Variants in MKRN2 observed in about 807,000 individuals in gnomAD.
MKRN2 encodes E3 ubiquitin-protein ligase makorin-2.
A neutral mutation model predicts 45.4 loss-of-function variants in MKRN2; 32 were observed. The observed-to-expected ratio is 0.70, with a 90% CI of 0.53 to 0.95. MKRN2 has a LOEUF of 0.95. Among genes scored for constraint, MKRN2 ranks in the 40% least tolerant of loss-of-function variants. The pLI is 0.00. For synonymous variants in MKRN2, 206 were observed against 192.4 expected, an observed-to-expected ratio of 1.07 and a Z score of -0.59; for missense variants, 526 against 536.7, an observed-to-expected ratio of 0.98 and a Z score of 0.20.
Position 12,570,222 on chromosome 3 carries a change from G to A in MKRN2, c.307G>A (p.Glu103Lys), listed in dbSNP as rs1355963758. Residue 103 changes from glutamate (E) to lysine (K), a missense_variant, in exon 3 of 8, where the codon GAA becomes AAA. Coordinates refer to ENST00000170447, the MANE Select transcript of MKRN2 (RefSeq NM_014160.5). ...KTNSHEPGKR[E>K]KRTLVLRDRN... ...TAACTCACATGAACCCGGAAAGCGT[G>A]AAAAGAGAACATTGGTTCTTAGAGA... 1.9e-5 allele frequency: 31 copies of A among 1,614,132 alleles called. No homozygotes were observed. The highest frequency in any genetic ancestry group is 2.6e-5 in the Non-Finnish European group (31 of 1,180,008).
chr3:12,571,355 C>G (rs538433042), intron 3 of MKRN2, among the ~76,000 whole-genome samples: 42 of 152,072 alleles, frequency 2.8e-4, no homozygotes, highest in Admixed American at 2.8e-3. Flanking sequence ...ATGATCCGCC[C>G]GCCTCGGCCT....
intron 5 of MKRN2, among the ~76,000 whole-genome samples, chr3:12,576,174 T>C (rs938323607): frequency 6.6e-6 from 1 of 150,748 alleles, no homozygotes; most frequent in Non-Finnish European, 1.5e-5. Context: ...GTCTTTTTTG[T>C]TGAGGAAACC....
intron 6 of MKRN2, 91 bp from the exon 7 acceptor site, chr3:12,581,717 G>C (rs868044410): frequency 2.8e-6 from 4 of 1,428,994 alleles, no homozygotes; most frequent in Admixed American, 1.8e-5. Context: ...TACCTCTGGC[G>C]TAAGGGTGGT....
chr3:12,567,375 A>G (rs1052300670), intron 1 of MKRN2, among the ~76,000 whole-genome samples: 15 of 151,042 alleles, frequency 9.9e-5, no homozygotes, highest in African/African-American at 3.6e-4. Flanking sequence ...GGTTTAAGCA[A>G]TCCTCCTGTC....
At chr3:12,573,393 TGTG>T (rs755350666) in intron 4 of MKRN2, among the ~76,000 whole-genome samples, 33 of 148,214 alleles carry the variant, frequency 2.2e-4, no homozygotes, top group Non-Finnish European at 4.0e-4. Context: ...ATTAGCCAGG[TGTG>T]GTGGTGCACA....
chr3:12,578,058 A>G (rs936909800), intron 6 of MKRN2, among the ~76,000 whole-genome samples: 1 of 152,156 alleles, frequency 6.6e-6, no homozygotes, highest in East Asian at 1.9e-4. Flanking sequence ...CTGGTTTTGC[A>G]TTCGTAGCTG....
At chr3:12,570,286 T>C in intron 3 of MKRN2, 34 bp downstream of exon 3, 1 of 1,590,716 alleles carries the variant, frequency 6.3e-7, no homozygotes, top group Non-Finnish European at 8.6e-7. Context: ...TGCGTCTTTT[T>C]GCATAGCACT....
At chr3:12,573,631 C>G (rs1477846438) in intron 4 of MKRN2, among the ~76,000 whole-genome samples, 1 of 152,118 alleles carries the variant, frequency 6.6e-6, no homozygotes, top group Non-Finnish European at 1.5e-5. Context: ...CAGTGGCTCA[C>G]GCCTGTAATC....
At chr3:12,576,261 G>A (rs977590126) in intron 5 of MKRN2, among the ~76,000 whole-genome samples, 3 of 151,164 alleles carry the variant, frequency 2.0e-5, no homozygotes, top group Non-Finnish European at 4.4e-5. Context: ...TGGGGTACAT[G>A]TGCAGAATGT....
intron 1 of MKRN2, 32 bp downstream of exon 1, chr3:12,557,208 G>A (rs779939368): frequency 5.2e-6 from 8 of 1,530,288 alleles, no homozygotes; most frequent in Non-Finnish European, 6.1e-6. Context: ...GCTTCGGGCC[G>A]CTCCCCCAGG....
chr3:12,576,184 CAT>C (rs201917995), intron 5 of MKRN2, among the ~76,000 whole-genome samples: 24 of 134,514 alleles, frequency 1.8e-4, no homozygotes, highest in South Asian at 4.6e-4. Flanking sequence ...TTGAGGAAAC[CAT>C]ATATGTGTGT....
At chr3:12,561,746 T>G (rs1401076378) in intron 1 of MKRN2, among the ~76,000 whole-genome samples, 1 of 152,182 alleles carries the variant, frequency 6.6e-6, no homozygotes, top group East Asian at 1.9e-4. Context: ...TACCTCTTTG[T>G]CATTCAGACT....
chr3:12,571,167 C>T (rs919687752), intron 3 of MKRN2, among the ~76,000 whole-genome samples: 1 of 151,602 alleles, frequency 6.6e-6, no homozygotes, highest in African/African-American at 2.4e-5. Flanking sequence ...CGCTCTGTCG[C>T]CTAGGCTGCA....
chr3:12,576,859 C>T (rs2058140874), intron 6 of MKRN2, 118 bp downstream of exon 6: 1 of 601,090 alleles, frequency 1.7e-6, no homozygotes, highest in Non-Finnish European at 3.0e-6. Context: ...TCTTCCTTCT[C>T]TCAGGCACCA....
At position 12,576,750 on chromosome 3, in the gene MKRN2, T is replaced by A; in HGVS notation, c.968+9T>A. The A allele has an allele frequency of 6.3e-7, 1 of 1,576,190 alleles. No individual in the cohort carries two copies. Among genetic ancestry groups the A allele is most frequent in the Non-Finnish European group, 8.7e-7 (1 of 1,146,954 alleles). On this transcript the variant is annotated intron_variant, in intron 6 of 7. Transcript: ENST00000170447. Reference sequence around the variant, plus strand: ...TTCAAACAGGGGATGGGGTAAGTGCTTTTGAGTTTCGACGTGCCCCTGCTG... The same window carrying A: ...TTCAAACAGGGGATGGGGTAAGTGCATTTGAGTTTCGACGTGCCCCTGCTG...
chr3:12,558,386 C>G (rs1319876050), intron 1 of MKRN2, among the ~76,000 whole-genome samples: 6 of 152,154 alleles, frequency 3.9e-5, no homozygotes, highest in Non-Finnish European at 1.5e-5. Context: ...TAAAGTTTCT[C>G]CTGCTGGAGG....
rs1222235790 is a variant in MKRN2 at position 12,568,970 on chromosome 3, A to G, written c.122A>G (p.Gln41Arg). 6.2e-7 allele frequency: 1 copy of G among 1,614,070 alleles called. No individual in the cohort carries two copies. The highest frequency in any genetic ancestry group is 2.2e-5 in the East Asian group (1 of 44,902). Reference sequence around the variant, plus strand: ...CCGTCCACCATCTGCAAGTACTACCAGAAGGGCTACTGTGCCTATGGAACT... The same window carrying G: ...CCGTCCACCATCTGCAAGTACTACCGGAAGGGCTACTGTGCCTATGGAACT... Reference protein sequence around the residue: ...SKPSTICKYYQKGYCAYGTRC... With the variant: ...SKPSTICKYYRKGYCAYGTRC... Residue 41 changes from glutamine (Q) to arginine (R), a missense_variant, in exon 2 of 8, where the codon CAG becomes CGG. Coordinates refer to ENST00000170447, the MANE Select transcript of MKRN2 (RefSeq NM_014160.5).
At chr3:12,572,481 T>C (rs1040173985) in intron 4 of MKRN2, 108 bp downstream of exon 4, 10 of 1,046,246 alleles carry the variant, frequency 9.6e-6, no homozygotes, top group Non-Finnish European at 1.3e-5. Context: ...ATGTACTAAG[T>C]GACAGAATTG....
chr3:12,568,313 T>C (rs575517411), intron 1 of MKRN2, among the ~76,000 whole-genome samples: 1 of 152,350 alleles, frequency 6.6e-6, no homozygotes, highest in African/African-American at 2.4e-5. Flanking sequence ...ACAGTGGCTT[T>C]ATTGGGATGT....
Sources: gnomAD v4.1 joint callset for allele counts (sites outside exome capture counted in the v4.1 genomes callset) on GRCh38, gnomAD v4.1.1 for gene constraint, MANE v1.5 for transcripts, NCBI Gene and HGNC (gene_info 2026-07-23, HGNC 2026-07-21) for gene names.